WWOX: variants seen among roughly 807,000 people sequenced by gnomAD.
WWOX encodes WW domain containing oxidoreductase, also known as WW domain-containing oxidoreductase.
A neutral mutation model predicts 46.2 loss-of-function variants in WWOX; 69 were observed. The ratio of observed to expected loss-of-function variants is 1.49; its 90% CI spans 1.23 to 1.82. The LOEUF is 1.82. Among genes scored for constraint, WWOX ranks in the 40% most tolerant of loss-of-function variants. WWOX has a pLI of 0.00. For synonymous variants in WWOX, 359 were observed against 202.6 expected (o/e 1.77, Z -6.56); for missense variants, 919 against 542.6 (o/e 1.69, Z -6.89).
intron 8 of WWOX, among the ~76,000 whole-genome samples, chr16:78,672,061 T>A (rs980878222): frequency 6.6e-6 from 1 of 152,202 alleles, no homozygotes; most frequent in African/African-American, 2.4e-5. Flanking sequence ...AGGATCATGA[T>A]TAAAAAGCAT....
At chr16:78,231,699 C>T (rs2037269854) in intron 5 of WWOX, among the ~76,000 whole-genome samples, 1 of 152,172 alleles carries the variant, frequency 6.6e-6, no homozygotes, top group Admixed American at 6.5e-5. Context: ...AATTGCCTCT[C>T]TCCTGGAATT....
chr16:78,537,128 G>A (rs1306712105), intron 8 of WWOX, among the ~76,000 whole-genome samples: 1 of 151,966 alleles, frequency 6.6e-6, no homozygotes, highest in African/African-American at 2.4e-5. Context: ...TGTTGTCCAG[G>A]CTGGTCTTGA....
rs571213324 is a variant in WWOX, at chr16:78,646,842, C to T, written c.1056+214090C>T. Among the ~76,000 whole-genome samples, 3 of 152,222 alleles carry T rather than the reference C, an allele frequency of 2.0e-5. No individual in the cohort carries two copies. The East Asian group carries it at 5.8e-4, about 29-fold the overall frequency. On this transcript the variant is annotated intron_variant, in intron 8 of 8. Transcript: ENST00000566780. The stretch of plus-strand genomic sequence containing the variant: ...CGCCTTCCTTTTATCTCCCATCAGC[C>T]GAAACTAACTCTGCTGTGTCACGCT...
chr16:78,919,611 G>A (rs180882257), intron 8 of WWOX, among the ~76,000 whole-genome samples: 43 of 148,554 alleles, frequency 2.9e-4, no homozygotes, highest in Non-Finnish European at 4.7e-4. Flanking sequence ...TCCGCCTCCC[G>A]GGATCAAGCG....
chr16:78,779,021 C>T (rs1197569458), intron 8 of WWOX, among the ~76,000 whole-genome samples: 1 of 152,192 alleles, frequency 6.6e-6, no homozygotes, highest in Non-Finnish European at 1.5e-5. Context: ...CTGAATAAAA[C>T]CAATGAGCTT....
intron 8 of WWOX, among the ~76,000 whole-genome samples, chr16:78,648,530 G>A (rs1468664514): frequency 6.6e-6 from 1 of 152,178 alleles, no homozygotes; most frequent in African/African-American, 2.4e-5. Flanking sequence ...ACAAGCTCTG[G>A]AGCAGTCAAC....
intron 8 of WWOX, among the ~76,000 whole-genome samples, chr16:79,135,804 A>G (rs2049971495): frequency 1.3e-5 from 2 of 152,186 alleles, no homozygotes; most frequent in African/African-American, 4.8e-5. Flanking sequence ...TTACATTGTA[A>G]TTGTGAGTGA....
intron 8 of WWOX, chr16:78,899,491 G>C (rs2044775387): frequency 6.6e-6 from 1 of 152,148 alleles, no homozygotes; most frequent in African/African-American, 2.4e-5. Context: ...GATACACAGT[G>C]AGTTCTCCAT....
chr16:78,629,033 T>A (rs2046370864), intron 8 of WWOX, among the ~76,000 whole-genome samples: 1 of 152,234 alleles, frequency 6.6e-6, no homozygotes, highest in African/African-American at 2.4e-5. Flanking sequence ...ACTGGATTTT[T>A]AACCCAATAG....
In WWOX at chr16:78,764,867, TA is replaced by T. The variant is rs536657312; in HGVS notation, c.1056+332116del. Reference sequence around the variant, plus strand: ...AAAGGTTTGTTGAGTTTACTATGGATATAACACTTGTTCTTTTTTAAAATAA... The same window carrying T: ...AAAGGTTTGTTGAGTTTACTATGGATTAACACTTGTTCTTTTTTAAAATAA... On this transcript the variant is annotated intron_variant, in intron 8 of 8. Coordinates refer to ENST00000566780, the MANE Select transcript of WWOX (RefSeq NM_016373.4). 7.1e-3 allele frequency among the ~76,000 whole-genome samples: 1,086 copies of T among 152,250 alleles called. 10 individuals carry two copies. The highest frequency in any genetic ancestry group is 0.025 in the African/African-American group (1,023 of 41,562).
At chr16:78,887,080 GTGTGTGTGTGTGT>G (rs2044476583) in intron 8 of WWOX, among the ~76,000 whole-genome samples, 2,605 of 122,536 alleles carry the variant, frequency 0.021, 127 homozygotes, top group East Asian at 0.1. Flanking sequence ...TGTGTGTGGT[GTGTGTGTGTGTGT>G]GTGTGTGTGT....
intron 8 of WWOX, among the ~76,000 whole-genome samples, chr16:78,618,779 G>A (rs909429228): frequency 1.3e-5 from 2 of 151,886 alleles, no homozygotes; most frequent in African/African-American, 2.4e-5. Context: ...CCTGAGAGGA[G>A]GAGAAGGAAG....
At chr16:79,009,049 G>C (rs771413610) in intron 8 of WWOX, among the ~76,000 whole-genome samples, 2 of 152,204 alleles carry the variant, frequency 1.3e-5, no homozygotes, top group African/African-American at 4.8e-5. Context: ...TTGCAAACAA[G>C]CCTTGTATTA....
intron 8 of WWOX, among the ~76,000 whole-genome samples, chr16:78,500,945 C>T (rs1214204520): frequency 6.6e-6 from 1 of 152,082 alleles, no homozygotes; most frequent in Non-Finnish European, 1.5e-5. Context: ...GATGCAGGTA[C>T]CACGCTTAGG....
At chr16:78,915,953 G>C (rs77596112) in intron 8 of WWOX, among the ~76,000 whole-genome samples, 4 of 152,154 alleles carry the variant, frequency 2.6e-5, no homozygotes, top group Non-Finnish European at 2.9e-5. Flanking sequence ...TCAATGCCCA[G>C]AAATGAAGGC....
intron 8 of WWOX, among the ~76,000 whole-genome samples, chr16:78,725,398 A>G (rs2048805095): frequency 1.7e-5 from 2 of 114,560 alleles, no homozygotes; most frequent in African/African-American, 7.0e-5. Context: ...CCTAGGCTGG[A>G]GTGCAGTGGT....
chr16:79,053,771 A>G (rs552726440), intron 8 of WWOX, among the ~76,000 whole-genome samples: 3 of 152,162 alleles, frequency 2.0e-5, no homozygotes, highest in Non-Finnish European at 4.4e-5. Context: ...TAGTTATGCA[A>G]ATGAAAACCA....
intron 8 of WWOX, chr16:79,203,506 T>G (rs1208180450): frequency 6.6e-6 from 1 of 151,920 alleles, no homozygotes; most frequent in East Asian, 1.9e-4. Flanking sequence ...TTTTTTTTTT[T>G]TTTTTTCTTC....
At chr16:79,043,982 A>C (rs2048020638) in intron 8 of WWOX, among the ~76,000 whole-genome samples, 1 of 152,202 alleles carries the variant, frequency 6.6e-6, no homozygotes. Context: ...GGCCAGGGAC[A>C]ATGAAACTCT....
Sources: allele counts gnomAD v4.1 joint callset (sites outside exome capture counted in the v4.1 genomes callset), GRCh38; gene constraint gnomAD v4.1.1; transcripts MANE v1.5; gene names NCBI Gene and HGNC (gene_info 2026-07-23, HGNC 2026-07-21).